CAMTA1: variants seen among roughly 807,000 people sequenced by gnomAD.
The protein encoded by CAMTA1 is calmodulin binding transcription activator 1, also known as calmodulin-binding transcription activator 1.
A neutral mutation model predicts 170.9 loss-of-function variants in CAMTA1; 27 were observed. The observed-to-expected ratio is 0.16, with a 90% CI of 0.12 to 0.22. The LOEUF (loss-of-function observed/expected upper bound fraction) is 0.22. CAMTA1 is among the 10% of genes least tolerant of loss of function. The pLI, the probability that CAMTA1 is intolerant of heterozygous loss-of-function variation, is 1.00. For missense variants in CAMTA1, 1,619 were observed against 2,217.2 expected, an observed-to-expected ratio of 0.73 and a Z score of 5.42; for synonymous variants, 833 against 891.5, an observed-to-expected ratio of 0.93 and a Z score of 1.17.
chr1:7,664,809 C>T lies in CAMTA1; in HGVS notation c.2262C>T (p.Asn754=), dbSNP rs761766954. ...LYPVAQPSLG[N]ASNMELSLDH... is the part of the protein sequence containing the mutation. ...CCGTGGCCCAGCCCAGCCTCGGCAA[C>T]GCCTCCAACATGGAGCTCAGCCTGG... Residue 754 remains asparagine (N), a synonymous_variant, in exon 9 of 23, where the codon AAC becomes AAT. Coordinates refer to ENST00000303635, the MANE Select transcript of CAMTA1 (RefSeq NM_015215.4). 2.9e-5 allele frequency: 47 copies of T among 1,613,206 alleles called. No homozygotes were observed. The highest frequency in any genetic ancestry group is 1.5e-4 in the South Asian group (14 of 91,052).
chr1:6,802,749 T>A (rs901646564), intron 1 of CAMTA1, among the ~76,000 whole-genome samples: 1 of 152,026 alleles, frequency 6.6e-6, no homozygotes, highest in African/African-American at 2.4e-5. Context: ...TCTTTTTTTT[T>A]TTTGAGACAA....
At chr1:7,376,429 G>T (rs1352811690) in intron 5 of CAMTA1, among the ~76,000 whole-genome samples, 1 of 152,184 alleles carries the variant, frequency 6.6e-6, no homozygotes, top group Admixed American at 6.5e-5. Flanking sequence ...ACATACACGT[G>T]AGCCAAGGTG....
At chr1:7,151,382 G>T (rs571408028) in intron 4 of CAMTA1, among the ~76,000 whole-genome samples, 3 of 152,116 alleles carry the variant, frequency 2.0e-5, no homozygotes, top group South Asian at 2.1e-4. Context: ...TCTTTGCAGC[G>T]GGCAACCCTG....
intron 1 of CAMTA1, among the ~76,000 whole-genome samples, chr1:6,812,982 A>T (rs1645362343): frequency 1.3e-5 from 2 of 152,136 alleles, no homozygotes; most frequent in Non-Finnish European, 2.9e-5. Flanking sequence ...TCATTTTTTT[A>T]TTTAGCCTGC....
chr1:7,489,096 C>A lies in CAMTA1; in HGVS notation c.510+21195C>A, dbSNP rs529074919. ...CTCAGTCACCTTCGGCAACAGCTAC[C>A]ACACTCCGTGGCCTCACATGCAAGA... On this transcript the variant is annotated intron_variant, in intron 6 of 22. Transcript: ENST00000303635. Among the ~76,000 whole-genome samples, 4 of 152,324 alleles carry A rather than the reference C, an allele frequency of 2.6e-5. No individual in the cohort carries two copies. The South Asian group carries it at 8.3e-4, about 32-fold the overall frequency.
intron 5 of CAMTA1, among the ~76,000 whole-genome samples, chr1:7,262,577 A>C (rs1668340061): frequency 6.6e-6 from 1 of 152,094 alleles, no homozygotes. Context: ...AAAAGTCTTA[A>C]ATTATAGCTT....
At chr1:7,451,496 C>G (rs928438940) in intron 5 of CAMTA1, among the ~76,000 whole-genome samples, 1 of 152,180 alleles carries the variant, frequency 6.6e-6, no homozygotes, top group Non-Finnish European at 1.5e-5. Flanking sequence ...GCCCCAGGTC[C>G]CTCCTGAGCC....
In CAMTA1 at chr1:7,685,820, T is replaced by C. The variant is rs2096253082; in HGVS notation, c.2914+8087T>C. 2.0e-5 allele frequency among the ~76,000 whole-genome samples: 3 copies of C among 152,104 alleles called. No individual in the cohort carries two copies. Among genetic ancestry groups the C allele is most frequent in the Non-Finnish European group, 2.9e-5 (2 of 68,014 alleles). On this transcript the variant is annotated intron_variant, in intron 11 of 22. Transcript: ENST00000303635. The surrounding 1 kb of genome is among the most constrained non-coding windows in gnomAD (Gnocchi z 5.7). ...CGTTTCTCTTGGGCAAGCCAGTAGG[T>C]CCCAGACAGGACAAATGGCCGTTCT...
intron 3 of CAMTA1, among the ~76,000 whole-genome samples, chr1:7,020,572 G>A (rs1701199622): frequency 6.6e-6 from 1 of 152,232 alleles, no homozygotes; most frequent in South Asian, 2.1e-4. Flanking sequence ...GCAACAAACA[G>A]ATAAATTGAC....
At chr1:7,591,956 T>C (rs2095358551) in intron 6 of CAMTA1, among the ~76,000 whole-genome samples, 1 of 152,212 alleles carries the variant, frequency 6.6e-6, no homozygotes, top group African/African-American at 2.4e-5. Flanking sequence ...TAGAGTGCAA[T>C]GGCGGGATCT....
intron 5 of CAMTA1, among the ~76,000 whole-genome samples, chr1:7,297,250 G>T (rs924156256): frequency 1.3e-5 from 2 of 152,166 alleles, no homozygotes; most frequent in African/African-American, 4.8e-5. Flanking sequence ...TCTATAAAAG[G>T]TGTTGAATTT....
chr1:6,818,372 AACTC>A (rs376161300), intron 1 of CAMTA1, among the ~76,000 whole-genome samples: 36 of 152,268 alleles, frequency 2.4e-4, no homozygotes, highest in Non-Finnish European at 3.8e-4. Flanking sequence ...ACAAATAAAT[AACTC>A]AGGCAATCCT....
intron 11 of CAMTA1, among the ~76,000 whole-genome samples, chr1:7,707,468 C>T (rs1482721612): frequency 3.3e-5 from 5 of 152,158 alleles, no homozygotes; most frequent in South Asian, 2.1e-4. Flanking sequence ...CTCCACCTCC[C>T]GGGCTCAGGT....
Position 7,234,533 on chromosome 1 carries a change from T to A in CAMTA1, c.303-14958T>A, listed in dbSNP as rs558493963. Among the ~76,000 whole-genome samples the A allele has an allele frequency of 1.3e-5, 2 of 152,286 alleles. No individual in the cohort carries two copies. The highest frequency in any genetic ancestry group is 2.9e-5 in the Non-Finnish European group (2 of 68,028). ...CACCCTCAGCACCCGGCGTGAATGC[T>A]CAGCCGTGATAGCTGCTCAGTAAAT... is the stretch of plus-strand genomic sequence containing the variant. On this transcript the variant is annotated intron_variant, in intron 4 of 22. Coordinates refer to ENST00000303635, the MANE Select transcript of CAMTA1 (RefSeq NM_015215.4). This position sits in a 1 kb window ranked among gnomAD's most constrained non-coding sequence, Gnocchi z 5.0.
chr1:6,862,573 C>T (rs148181192), intron 3 of CAMTA1, among the ~76,000 whole-genome samples: 51 of 152,130 alleles, frequency 3.4e-4, no homozygotes, highest in Middle Eastern at 3.4e-3. Flanking sequence ...TCCATTATTC[C>T]GCCAAACCTT....
intron 3 of CAMTA1, among the ~76,000 whole-genome samples, chr1:7,068,009 T>A (rs919773566): frequency 1.3e-5 from 2 of 152,174 alleles, no homozygotes; most frequent in Admixed American, 1.3e-4. Context: ...GCCATGTGGG[T>A]CCAGCCCAAG....
intron 5 of CAMTA1, among the ~76,000 whole-genome samples, chr1:7,402,167 T>C (rs1382750468): frequency 6.6e-6 from 1 of 152,200 alleles, no homozygotes; most frequent in African/African-American, 2.4e-5. Flanking sequence ...CAGGTGTTAT[T>C]GTCAATTACA....
At chr1:6,881,314 T>C (rs193169771) in intron 3 of CAMTA1, among the ~76,000 whole-genome samples, 1 of 152,348 alleles carries the variant, frequency 6.6e-6, no homozygotes, top group East Asian at 1.9e-4. Flanking sequence ...CATGCTATTC[T>C]AGTGTGACTG....
chr1:7,589,317 C>T (rs138135362), intron 6 of CAMTA1, among the ~76,000 whole-genome samples: 2 of 152,208 alleles, frequency 1.3e-5, no homozygotes, highest in Non-Finnish European at 2.9e-5. Flanking sequence ...GCTCTACACA[C>T]CCCGGCCGCT....
Sources: gnomAD v4.1 joint callset for allele counts (sites outside exome capture counted in the v4.1 genomes callset) on GRCh38, gnomAD v4.1.1 for gene constraint, Gnocchi (gnomAD v3.1) non-coding constraint, MANE v1.5 for transcripts, NCBI Gene and HGNC (gene_info 2026-07-23, HGNC 2026-07-21) for gene names.